The following ERG variants were observed in gnomAD, a reference collection of about 807,000 sequenced individuals.
ERG encodes transcriptional regulator ERG.
A neutral mutation model predicts 55.3 loss-of-function variants in ERG; 9 were observed. The ratio of observed to expected loss-of-function variants is 0.16; its 90% CI spans 0.10 to 0.28. The LOEUF (loss-of-function observed/expected upper bound fraction) is 0.28, where lower values mean the gene tolerates loss of function less well. Among genes scored for constraint, ERG ranks in the 10% least tolerant of loss-of-function variants. ERG has a pLI of 1.00. For missense variants in ERG, 434 were observed against 631.6 expected (o/e 0.69, Z 3.35); for synonymous variants, 223 against 237.3 (o/e 0.94, Z 0.55).
At chr21:38,644,294 C>T (rs2060443102) in intron 1 of ERG, among the ~76,000 whole-genome samples, 1 of 151,984 alleles carries the variant, frequency 6.6e-6, no homozygotes, top group Non-Finnish European at 1.5e-5. Context: ...TTTAAAAGAA[C>T]TTTCGATATA....
In ERG at chr21:38,429,571, GTACATATATACATATGTGTATATGTACA is replaced by G. The variant is rs1990068939; in HGVS notation, c.237-6038_237-6011del. ...TGTGTATATGTACATGTATACACAT[GTACATATATACATATGTGTATATGTACA>G]TGTATACACATGTACATATATACAT... On this transcript the variant is annotated intron_variant, in intron 2 of 9. Coordinates refer to ENST00000288319, the MANE Select transcript of ERG (RefSeq NM_182918.4). Among the ~76,000 whole-genome samples the G allele has an allele frequency of 1.8e-4, 18 of 97,868 alleles. 2 individuals are homozygous for G. Among genetic ancestry groups the G allele is most frequent in the African/African-American group, 3.8e-4 (11 of 28,792 alleles). 64.2% of individuals were successfully genotyped at this position (97,868 alleles called of 152,430 possible).
intron 1 of ERG, among the ~76,000 whole-genome samples, chr21:38,457,910 A>G (rs991779366): frequency 6.6e-6 from 1 of 152,266 alleles, no homozygotes; most frequent in Non-Finnish European, 1.5e-5. Context: ...CTAAAGGGAA[A>G]GAGAATTTGC....
At chr21:38,500,276 G>A (rs1035826543), upstream of ERG, among the ~76,000 whole-genome samples, 8 of 152,186 alleles carry the variant, frequency 5.3e-5, no homozygotes, top group Admixed American at 1.3e-4. Context: ...AAATAGCCAC[G>A]GAAGAAAATC....
chr21:38,483,104 C>T (rs1485839448), intron 1 of ERG, among the ~76,000 whole-genome samples: 1 of 152,158 alleles, frequency 6.6e-6, no homozygotes, highest in African/African-American at 2.4e-5. Flanking sequence ...TATGTAAAAT[C>T]TATAACAAAC....
intron 1 of ERG, among the ~76,000 whole-genome samples, chr21:38,495,809 G>T (rs535938540): frequency 6.6e-6 from 1 of 152,166 alleles, no homozygotes; most frequent in Non-Finnish European, 1.5e-5. Flanking sequence ...AGTTTTCAGT[G>T]CAACAGCAGG....
chr21:38,392,779 A>C (rs939071707), intron 6 of ERG, among the ~76,000 whole-genome samples: 3 of 152,308 alleles, frequency 2.0e-5, no homozygotes, highest in African/African-American at 7.2e-5. Flanking sequence ...ACTGATCTAC[A>C]TCTGTCTCTT....
rs542648278 is a variant in ERG, at chr21:38,543,737, C to CTTT, written c.-41+31922_-41+31924dup. On this transcript the variant is annotated intron_variant, in intron 2 of 8. Coordinates refer to the ERG transcript ENST00000398897. Reference sequence around the variant, plus strand: ...AAGACAGGGTGATGTGTGAGAAACACTTTTTTTTTTTTTTTTTCAGATGAA... The same window carrying CTTT: ...AAGACAGGGTGATGTGTGAGAAACACTTTTTTTTTTTTTTTTTTTTCAGATGAA... 1.2e-3 allele frequency among the ~76,000 whole-genome samples: 156 copies of CTTT among 133,378 alleles called. 7 individuals carry two copies. The highest frequency in any genetic ancestry group is 1.5e-3 in the Non-Finnish European group (97 of 63,696). 87.5% of individuals were successfully genotyped at this position (133,378 alleles called of 152,430 possible).
intron 2 of ERG, among the ~76,000 whole-genome samples, chr21:38,521,551 A>G (rs1482455302): frequency 1.3e-5 from 2 of 152,218 alleles, no homozygotes; most frequent in African/African-American, 4.8e-5. Context: ...GGTGATTGGG[A>G]AAAATAGCCT....
chr21:38,590,366 G>A (rs1305480349), intron 1 of ERG, among the ~76,000 whole-genome samples: 3 of 152,120 alleles, frequency 2.0e-5, no homozygotes. Flanking sequence ...GATGAGGAGA[G>A]GAAAGAAGGG....
At chr21:38,529,861 G>A (rs1291469256) in intron 2 of ERG, among the ~76,000 whole-genome samples, 1 of 151,940 alleles carries the variant, frequency 6.6e-6, no homozygotes, top group Non-Finnish European at 1.5e-5. Context: ...AGCTACTCAG[G>A]AGGCTGAGGT....
In ERG at chr21:38,528,698, T is replaced by C. The variant is rs1276669071; in HGVS notation, c.-41+46964A>G. On this transcript the variant is annotated intron_variant, in intron 2 of 8. Transcript: ENST00000398897. ...CTCCTGACCTCATGATCCACCCGCC[T>C]CGGCCTCCCAAAGTGCTGGGATTAC... 1.4e-5 allele frequency among the ~76,000 whole-genome samples: 2 copies of C among 143,156 alleles called. 1 individual carries two copies. The highest frequency in any genetic ancestry group is 3.1e-5 in the Non-Finnish European group (2 of 64,904). The allele number at this position is 143,156 out of a possible 152,430, so 93.9% of individuals were successfully genotyped here.
intron 2 of ERG, among the ~76,000 whole-genome samples, chr21:38,436,782 G>A (rs1164407868): frequency 6.6e-6 from 1 of 152,110 alleles, no homozygotes; most frequent in Admixed American, 6.6e-5. Flanking sequence ...CCTCATATCT[G>A]TTATTGCTGG....
At chr21:38,657,950 A>T (rs1035388480) in intron 1 of ERG, among the ~76,000 whole-genome samples, 1 of 152,180 alleles carries the variant, frequency 6.6e-6, no homozygotes, top group Non-Finnish European at 1.5e-5. Context: ...TAAGTACCAT[A>T]ATCATCGGAA....
intron 3 of ERG, among the ~76,000 whole-genome samples, chr21:38,413,481 T>TA: frequency 6.6e-6 from 1 of 152,290 alleles, no homozygotes; most frequent in South Asian, 2.1e-4. Context: ...AAAAATTACT[T>TA]ATATGAATTG....
intron 1 of ERG, among the ~76,000 whole-genome samples, chr21:38,649,297 C>T (rs1216452458): frequency 1.3e-5 from 2 of 152,162 alleles, no homozygotes; most frequent in Non-Finnish European, 2.9e-5. Context: ...CACCCATGAG[C>T]TGATGACGTA....
rs372270813 is a variant in ERG at position 38,620,505 on chromosome 21, T to C, written c.-149-35560A>G. ...AATAAAAAAGAACAATGGTCTTACT[T>C]ACTTTTACAGGTTACATTGTCTCAC... On this transcript the variant is annotated intron_variant, in intron 1 of 10. Transcript: ENST00000398910. Among the ~76,000 whole-genome samples, 182 of 152,370 alleles carry C rather than the reference T, an allele frequency of 1.2e-3. 1 individual carries two copies. In the South Asian group the frequency reaches 0.014, roughly 12 times the overall value.
downstream of ERG, among the ~76,000 whole-genome samples, chr21:38,376,169 C>T (rs1987236628): frequency 6.6e-6 from 1 of 152,136 alleles, no homozygotes; most frequent in South Asian, 2.1e-4. Context: ...TTGCATAGTT[C>T]CACTTTAAAA....
chr21:38,574,724 C>T (rs1242525193), intron 2 of ERG, among the ~76,000 whole-genome samples: 1 of 152,164 alleles, frequency 6.6e-6, no homozygotes, highest in Non-Finnish European at 1.5e-5. Context: ...AAGCCCTTCC[C>T]ATTTTCAATT....
chr21:38,424,458 C>T (rs909626183), intron 2 of ERG, among the ~76,000 whole-genome samples: 1 of 152,152 alleles, frequency 6.6e-6, no homozygotes, highest in Non-Finnish European at 1.5e-5. Flanking sequence ...ACAAGGGAGG[C>T]GGAACTACCA....
Sources: gnomAD v4.1 joint callset for allele counts (sites outside exome capture counted in the v4.1 genomes callset) on GRCh38, gnomAD v4.1.1 for gene constraint, MANE v1.5 for transcripts, NCBI Gene and HGNC (gene_info 2026-07-23, HGNC 2026-07-21) for gene names.